The following TLK1 variants were observed in gnomAD, a reference collection of about 807,000 sequenced individuals.
TLK1 encodes the protein serine/threonine-protein kinase tousled-like 1.
TLK1 carries 24 observed loss-of-function variants against 105.3 expected under a neutral mutation model. That is an observed-to-expected ratio of 0.23 (90% CI 0.17 to 0.32). TLK1 has a LOEUF of 0.32. Among genes scored for constraint, TLK1 ranks in the 10% least tolerant of loss-of-function variants. The pLI is 1.00. For missense variants in TLK1, 558 were observed against 910.5 expected (o/e 0.61, Z 4.98); for synonymous variants, 321 against 310.4 (o/e 1.03, Z -0.36).
intron 11 of TLK1, chr2:171,045,266 G>C (rs1181645975): frequency 8.2e-6 from 1 of 122,436 alleles, no homozygotes; most frequent in Admixed American, 9.0e-5. Flanking sequence ...TCTCACTCTT[G>C]TCCCCCAGGC....
At chr2:171,142,206 A>G (rs1339178205) in intron 1 of TLK1, among the ~76,000 whole-genome samples, 1 of 152,174 alleles carries the variant, frequency 6.6e-6, no homozygotes, top group Admixed American at 6.5e-5. Context: ...TGGAACAAAA[A>G]ATAATAATAA....
At chr2:171,020,717 GCCAACCAACCAA>G (rs144630026) in intron 12 of TLK1, among the ~76,000 whole-genome samples, 10 of 151,874 alleles carry the variant, frequency 6.6e-5, no homozygotes, top group Non-Finnish European at 1.0e-4. Flanking sequence ...ATAAAAGCCA[GCCAACCAACCAA>G]CCAACCAACC....
intron 1 of TLK1, among the ~76,000 whole-genome samples, chr2:171,216,844 G>A (rs1433673444): frequency 6.6e-6 from 1 of 152,158 alleles, no homozygotes; most frequent in Non-Finnish European, 1.5e-5. Flanking sequence ...GCAAGACAAG[G>A]CATGCCAAAG....
At chr2:171,006,730 T>A (rs999308629) in intron 16 of TLK1, 70 bp downstream of exon 16, 6 of 1,592,352 alleles carry the variant, frequency 3.8e-6, no homozygotes, top group Non-Finnish European at 5.2e-6. Flanking sequence ...ATTTATATCA[T>A]CAACACAGGA....
chr2:171,141,799 C>T (rs1691585531), intron 1 of TLK1, among the ~76,000 whole-genome samples: 1 of 151,520 alleles, frequency 6.6e-6, no homozygotes, highest in Non-Finnish European at 1.5e-5. Context: ...AATTCCTCAA[C>T]AGATAGGCCC....
intron 1 of TLK1, among the ~76,000 whole-genome samples, chr2:171,156,337 T>A (rs1692231375): frequency 6.6e-6 from 1 of 152,244 alleles, no homozygotes; most frequent in Non-Finnish European, 1.5e-5. Flanking sequence ...AGGACATATT[T>A]ATTCTTCATA....
At chr2:171,193,471 A>G (rs1253490110) in intron 1 of TLK1, among the ~76,000 whole-genome samples, 1 of 147,276 alleles carries the variant, frequency 6.8e-6, no homozygotes, top group African/African-American at 2.5e-5. Context: ...ATCTCGGCTC[A>G]CTGCAAGCTC....
intron 11 of TLK1, among the ~76,000 whole-genome samples, chr2:171,032,880 A>G (rs1352070249): frequency 6.6e-6 from 1 of 152,194 alleles, no homozygotes; most frequent in Non-Finnish European, 1.5e-5. Context: ...AAAATGAATG[A>G]ATGACCTAAA....
intron 1 of TLK1, among the ~76,000 whole-genome samples, chr2:171,210,877 G>A (rs1693600805): frequency 6.6e-6 from 1 of 152,214 alleles, no homozygotes; most frequent in Non-Finnish European, 1.5e-5. Context: ...CTGTTACCAG[G>A]AGGGAGAAGG....
At chr2:171,056,440 C>G in intron 6 of TLK1, 31 bp downstream of exon 6, 1 of 1,588,274 alleles carries the variant, frequency 6.3e-7, no homozygotes, top group Non-Finnish European at 8.6e-7. Flanking sequence ...CTCCCAAAGA[C>G]TACACATGAA....
chr2:171,061,876 T>C (rs1332519005), intron 3 of TLK1, among the ~76,000 whole-genome samples: 3 of 152,232 alleles, frequency 2.0e-5, no homozygotes, highest in Non-Finnish European at 4.4e-5. Context: ...TAAAATTTTA[T>C]TGGAACACAG....
At position 171,160,714 on chromosome 2, in the gene TLK1, T is replaced by C; in HGVS notation, c.-286A>G. 2 of 451,390 alleles carry C rather than the reference T, an allele frequency of 4.4e-6. No homozygotes were observed. Among genetic ancestry groups the C allele is most frequent in the Admixed American group, 9.2e-5 (2 of 21,816 alleles). 28.0% of individuals were successfully genotyped at this position (451,390 alleles called of 1,614,324 possible). A position where few individuals can be genotyped will look rare whatever the true frequency, so the allele number is the denominator to read the frequency against. ...GGAAAGGAGCGCGGCGGCGGAGGCGTCGAGGGGGTGCCAGCCGGGCCGGGG... is the reference window on the plus strand; with the variant it reads ...GGAAAGGAGCGCGGCGGCGGAGGCGCCGAGGGGGTGCCAGCCGGGCCGGGG... On this transcript the variant is annotated 5_prime_UTR_variant, in exon 1 of 21. Transcript: ENST00000431350. The surrounding 1 kb of genome is among the most constrained non-coding windows in gnomAD (Gnocchi z 4.4).
At chr2:171,044,843 C>A (rs1220675355) in intron 11 of TLK1, among the ~76,000 whole-genome samples, 1 of 152,082 alleles carries the variant, frequency 6.6e-6, no homozygotes, top group Non-Finnish European at 1.5e-5. Flanking sequence ...ATATTCAGTG[C>A]TGCTACGTAA....
At chr2:171,073,232 G>A (rs957328347) in intron 3 of TLK1, among the ~76,000 whole-genome samples, 2 of 152,012 alleles carry the variant, frequency 1.3e-5, no homozygotes, top group Admixed American at 6.6e-5. Flanking sequence ...CTGCTCTAGC[G>A]AGGACTTCCC....
At chr2:171,060,980 A>G in intron 4 of TLK1, 101 bp downstream of exon 4, 1 of 1,194,016 alleles carries the variant, frequency 8.4e-7, no homozygotes, top group Non-Finnish European at 1.2e-6. Context: ...CAAAATTTAC[A>G]ACTTCATATT....
At chr2:171,114,509 T>A (rs1048596633) in intron 2 of TLK1, among the ~76,000 whole-genome samples, 1 of 152,018 alleles carries the variant, frequency 6.6e-6, no homozygotes, top group Admixed American at 6.6e-5. Context: ...ACTGGAGGAA[T>A]AGCCAAGCCA....
At chr2:171,195,513 A>AT (rs1229909171) in intron 1 of TLK1, among the ~76,000 whole-genome samples, 1 of 151,728 alleles carries the variant, frequency 6.6e-6, no homozygotes, top group Non-Finnish European at 1.5e-5. Context: ...AAAAAAAAAA[A>AT]AAAAAAAAAC....
In TLK1 at chr2:171,126,846, A is replaced by G. The variant is rs112063251; in HGVS notation, c.140-8989T>C. 2.6e-3 allele frequency among the ~76,000 whole-genome samples: 388 copies of G among 151,892 alleles called. 1 individual carries two copies. The highest frequency in any genetic ancestry group is 8.2e-3 in the African/African-American group (338 of 41,410). ...ATTAATACTTTACATATTATACTAG[A>G]TAAGGCAGAGGTTCCTTTTATTAAA... On this transcript the variant is annotated intron_variant, in intron 1 of 20. Coordinates refer to ENST00000431350, the MANE Select transcript of TLK1 (RefSeq NM_012290.5).
At chr2:171,039,260 TTTGTTTTG>T (rs1239497266) in intron 11 of TLK1, among the ~76,000 whole-genome samples, 2 of 152,074 alleles carry the variant, frequency 1.3e-5, no homozygotes, top group Non-Finnish European at 2.9e-5. Flanking sequence ...TGAGCTTTGT[TTTGTTTTG>T]TTGTTTTGTT....
Sources: allele counts gnomAD v4.1 joint callset (sites outside exome capture counted in the v4.1 genomes callset), GRCh38; gene constraint gnomAD v4.1.1; non-coding constraint Gnocchi (gnomAD v3.1); transcripts MANE v1.5; gene names NCBI Gene and HGNC (gene_info 2026-07-23, HGNC 2026-07-21).